Variants in SORL1 observed in about 807,000 individuals in gnomAD.
SORL1 encodes sortilin-related receptor.
Under a neutral mutation model 273.7 loss-of-function variants are expected in SORL1, and 127 were observed. That is an observed-to-expected ratio of 0.46 (90% CI 0.40 to 0.54). The LOEUF is 0.54. Ranked by LOEUF, SORL1 falls within the 20% of genes least tolerant of loss-of-function variation. SORL1 has a pLI of 0.00. For missense variants in SORL1, 2,494 were observed against 2,846.1 expected, an observed-to-expected ratio of 0.88 and a Z score of 2.81; for synonymous variants, 1,031 against 1,067.4, an observed-to-expected ratio of 0.97 and a Z score of 0.66.
chr11:121,619,127 C>G (rs879911798), intron 42 of SORL1, among the ~76,000 whole-genome samples: 7 of 152,190 alleles, frequency 4.6e-5, no homozygotes, highest in African/African-American at 1.7e-4. Flanking sequence ...GGCAGATGAT[C>G]ACAAGTATAG....
chr11:121,548,354 G>A (rs1862463206), intron 14 of SORL1, among the ~76,000 whole-genome samples: 3 of 152,160 alleles, frequency 2.0e-5, no homozygotes, highest in African/African-American at 7.2e-5. Flanking sequence ...TGCTTTATCT[G>A]GTTCCTAAAA....
intron 42 of SORL1, 99 bp downstream of exon 42, chr11:121,618,992 G>A: frequency 7.9e-7 from 1 of 1,269,514 alleles, no homozygotes; most frequent in Non-Finnish European, 1.1e-6. Context: ...CTGGACTCCA[G>A]GATTGATGTG....
intron 2 of SORL1, 67 bp from the exon 3 acceptor site, chr11:121,478,051 A>C: frequency 7.0e-7 from 1 of 1,422,408 alleles, no homozygotes; most frequent in Non-Finnish European, 9.4e-7. Context: ...AAAAAAAAAA[A>C]AGAAAGATCT....
At chr11:121,460,076 A>G (rs940967089) in intron 1 of SORL1, among the ~76,000 whole-genome samples, 1 of 152,224 alleles carries the variant, frequency 6.6e-6, no homozygotes, top group Non-Finnish European at 1.5e-5. Flanking sequence ...GTGGCTGACA[A>G]GGACAATAAA....
intron 39 of SORL1, 112 bp downstream of exon 39, chr11:121,611,270 A>C: frequency 1.4e-6 from 1 of 732,412 alleles, no homozygotes; most frequent in South Asian, 1.8e-5. Context: ...AACAAAAAAA[A>C]CGAACGGCTA....
rs558232310 is a variant in SORL1, at chr11:121,582,994, C to T, written c.3581-464C>T. Among the ~76,000 whole-genome samples the T allele has an allele frequency of 1.3e-3, 200 of 152,246 alleles. 1 individual carries two copies. The highest frequency in any genetic ancestry group is 3.4e-3 in the Middle Eastern group (1 of 294). ...ACTCCGTCTCCTGAGCACAGGCTGC[C>T]GCTCCTTATTTCTCAGCATCTGGAT... On this transcript the variant is annotated intron_variant, in intron 25 of 47. Transcript: ENST00000260197.
intron 7 of SORL1, 104 bp downstream of exon 7, chr11:121,513,208 G>T: frequency 2.3e-6 from 2 of 852,534 alleles, no homozygotes; most frequent in Non-Finnish European, 4.0e-6. Flanking sequence ...ATATTTTATG[G>T]CGCCTCCCTG....
rs769677047 is a variant in SORL1, at chr11:121,627,584, A to G, written c.6394A>G (p.Arg2132Gly). Reference sequence around the variant, plus strand: ...AGATGCATCTGCAACGCAGGCTGCCAGATCTACGGATGTTGCTGCTGTGGT... The same window carrying G: ...AGATGCATCTGCAACGCAGGCTGCCGGATCTACGGATGTTGCTGCTGTGGT... The part of the protein sequence containing the change: ...GADASATQAA[R>G]STDVAAVVVP... Residue 2132 changes from arginine to glycine, a missense_variant, in exon 47 of 48, where the codon AGA becomes GGA. Coordinates refer to ENST00000260197, the MANE Select transcript of SORL1 (RefSeq NM_003105.6). This position sits in a 1 kb window ranked among gnomAD's most constrained non-coding sequence, Gnocchi z 4.9. 6 of 1,614,170 alleles carry G rather than the reference A, an allele frequency of 3.7e-6. No individual in the cohort carries two copies. The highest frequency in any genetic ancestry group is 5.1e-6 in the Non-Finnish European group (6 of 1,180,006).
At chr11:121,567,230 C>A in intron 22 of SORL1, 117 bp downstream of exon 22, 1 of 930,404 alleles carries the variant, frequency 1.1e-6, no homozygotes, top group Non-Finnish European at 1.6e-6. Context: ...GGAAAAAGTC[C>A]AAGGTAAAAA....
chr11:121,518,951 C>CTTT (rs60120156), intron 8 of SORL1, among the ~76,000 whole-genome samples: 1 of 138,682 alleles, frequency 7.2e-6, no homozygotes. Context: ...TTTTCTTTTT[C>CTTT]TTTTTTTTTT....
At chr11:121,548,832 G>A (rs1862468929) in intron 14 of SORL1, among the ~76,000 whole-genome samples, 1 of 152,136 alleles carries the variant, frequency 6.6e-6, no homozygotes, top group African/African-American at 2.4e-5. Context: ...CTCCCAAAAT[G>A]CTGGGATTAC....
chr11:121,604,640 T>C (rs937065172), intron 33 of SORL1, among the ~76,000 whole-genome samples: 1 of 152,156 alleles, frequency 6.6e-6, no homozygotes, highest in Non-Finnish European at 1.5e-5. Flanking sequence ...AACTCAGTTC[T>C]TATCTCTGGA....
rs2298814 is a variant in SORL1, at chr11:121,554,173, G to A, written c.2439+64G>A. 0.021 allele frequency: 30,079 copies of A among 1,463,470 alleles called. 478 individuals carry two copies. Among genetic ancestry groups the A allele is most frequent in the East Asian group, 0.087 (3,761 of 43,174 alleles). 90.7% of individuals were successfully genotyped at this position (1,463,470 alleles called of 1,614,324 possible). A position where few individuals can be genotyped will look rare whatever the true frequency, so the allele number is the denominator to read the frequency against. On this transcript the variant is annotated intron_variant, in intron 17 of 47. Coordinates refer to ENST00000260197, the MANE Select transcript of SORL1 (RefSeq NM_003105.6). This position sits in a 1 kb window ranked among gnomAD's most constrained non-coding sequence, Gnocchi z 4.6. ...CGTGACTGCCCTGTCCTGATAAGCT[G>A]CATGCAGAATGGCCTATGGAAATGG...
chr11:121,475,507 C>T (rs1413230145), intron 2 of SORL1, among the ~76,000 whole-genome samples: 1 of 152,188 alleles, frequency 6.6e-6, no homozygotes, highest in Non-Finnish European at 1.5e-5. Flanking sequence ...GTTTTACCTC[C>T]ATGTGCACGA....
chr11:121,489,794 C>G lies in SORL1; in HGVS notation c.691-249C>G, dbSNP rs141180218. Among the ~76,000 whole-genome samples, 99 of 152,314 alleles carry G rather than the reference C, an allele frequency of 6.5e-4. No homozygotes were observed. The East Asian group carries it at 0.014, about 22-fold the overall frequency. ...GAGTGAAATATAATTTTTGGTAATCCATAAATGGAAGGCAAGTCCTACTCA... is the reference window on the plus strand; with the variant it reads ...GAGTGAAATATAATTTTTGGTAATCGATAAATGGAAGGCAAGTCCTACTCA... On this transcript the variant is annotated intron_variant, in intron 4 of 47. Coordinates refer to ENST00000260197, the MANE Select transcript of SORL1 (RefSeq NM_003105.6).
At chr11:121,603,053 C>G (rs566823487) in intron 32 of SORL1, among the ~76,000 whole-genome samples, 1 of 152,238 alleles carries the variant, frequency 6.6e-6, no homozygotes, top group Non-Finnish European at 1.5e-5. Flanking sequence ...AGAAAAGGGT[C>G]TCTGCTTTTA....
At chr11:121,577,164 C>G in intron 24 of SORL1, 117 bp from the exon 25 acceptor site, 2 of 1,345,340 alleles carry the variant, frequency 1.5e-6, no homozygotes, top group Non-Finnish European at 2.1e-6. Context: ...TTCATGGTCT[C>G]TGTGGATCAT....
chr11:121,523,589 G>A (rs1172945267), intron 11 of SORL1, among the ~76,000 whole-genome samples: 6 of 151,876 alleles, frequency 4.0e-5, no homozygotes, highest in African/African-American at 1.5e-4. Flanking sequence ...TTCATCTTTG[G>A]GCATTAGAGA....
intron 41 of SORL1, 95 bp downstream of exon 41, chr11:121,615,150 A>G: frequency 2.9e-6 from 3 of 1,037,618 alleles, no homozygotes; most frequent in Non-Finnish European, 4.1e-6. Flanking sequence ...TCTTTTGCAA[A>G]TGTTCCGGTG....
Sources: gnomAD v4.1 joint callset for allele counts (sites outside exome capture counted in the v4.1 genomes callset) on GRCh38, gnomAD v4.1.1 for gene constraint, Gnocchi (gnomAD v3.1) non-coding constraint, MANE v1.5 for transcripts, NCBI Gene and HGNC (gene_info 2026-07-23, HGNC 2026-07-21) for gene names.